Variants in RIC1 observed in about 807,000 individuals in gnomAD.
RIC1 encodes guanine nucleotide exchange factor subunit RIC1.
Under a neutral mutation model 169.0 loss-of-function variants are expected in RIC1, and 88 were observed. The observed-to-expected ratio is 0.52, with a 90% CI of 0.44 to 0.62. The LOEUF is 0.62. Ranked by LOEUF, RIC1 falls within the 20% of genes least tolerant of loss-of-function variation. RIC1 has a pLI of 0.00. For missense variants in RIC1, 1,877 were observed against 1,725.5 expected (o/e 1.09, Z -1.56); for synonymous variants, 790 against 601.5 (o/e 1.31, Z -4.59).
intron 12 of RIC1, among the ~76,000 whole-genome samples, chr9:5,748,100 C>G (rs1259916650): frequency 2.0e-5 from 3 of 152,158 alleles, no homozygotes; most frequent in Non-Finnish European, 4.4e-5. Flanking sequence ...GAAATTAATT[C>G]TCAATTTTGA....
At chr9:5,754,999 A>G in intron 15 of RIC1, 69 bp downstream of exon 15, 1 of 960,074 alleles carries the variant, frequency 1.0e-6, no homozygotes. Context: ...TTAATTTTAT[A>G]TAGAAAATAG....
At chr9:5,655,924 T>C (rs568368882) in intron 1 of RIC1, among the ~76,000 whole-genome samples, 38 of 152,240 alleles carry the variant, frequency 2.5e-4, no homozygotes, top group South Asian at 2.1e-4. Context: ...TGGAGTGCAG[T>C]GTTGTTGTGA....
At position 5,681,551 on chromosome 9, in the gene RIC1, C is replaced by G. The variant is rs549644574; in HGVS notation, c.253-8408C>G. 4.4e-4 allele frequency among the ~76,000 whole-genome samples: 67 copies of G among 152,198 alleles called. 1 individual carries two copies. The highest frequency in any genetic ancestry group is 1.5e-3 in the African/African-American group (62 of 41,522). ...GTTCTTTTACATTTGCTGAGGAGTG[C>G]CTTACTTCAAACTATGTGGTCAATT... On this transcript the variant is annotated intron_variant, in intron 2 of 25. Transcript: ENST00000414202.
At chr9:5,720,547 G>A in intron 5 of RIC1, 67 bp from the exon 6 acceptor site, 1 of 1,450,344 alleles carries the variant, frequency 6.9e-7, no homozygotes, top group Non-Finnish European at 9.3e-7. Flanking sequence ...AGGTTTTTCT[G>A]GCAAAAAGTG....
intron 12 of RIC1, among the ~76,000 whole-genome samples, chr9:5,751,730 A>G (rs1462639812): frequency 3.3e-5 from 5 of 151,766 alleles, no homozygotes; most frequent in Admixed American, 3.3e-4. Context: ...CTTAATAAGT[A>G]TAACAAATAA....
rs141438105 is a variant in RIC1, at chr9:5,689,595, T to G, written c.253-364T>G. On this transcript the variant is annotated intron_variant, in intron 2 of 25. Transcript: ENST00000414202. ...GTGTAATAAAGCCATAAAGTGGCAT[T>G]GTTGCTTTATAAACTTAGAATAATA... Among the ~76,000 whole-genome samples the G allele has an allele frequency of 3.6e-3, 543 of 152,326 alleles. 1 individual carries two copies. Among genetic ancestry groups the G allele is most frequent in the African/African-American group, 0.013 (522 of 41,580 alleles).
chr9:5,768,280 C>A (rs936864817), intron 21 of RIC1, among the ~76,000 whole-genome samples: 1 of 152,176 alleles, frequency 6.6e-6, no homozygotes, highest in African/African-American at 2.4e-5. Flanking sequence ...AATTCCAGCA[C>A]TTTGGGAGGC....
chr9:5,723,939 C>T (rs577504376), intron 6 of RIC1, among the ~76,000 whole-genome samples: 17 of 152,226 alleles, frequency 1.1e-4, no homozygotes, highest in Non-Finnish European at 2.4e-4. Flanking sequence ...GGTACCAGTA[C>T]CATGCTGTTT....
At chr9:5,720,449 G>C in intron 5 of RIC1, 125 bp downstream of exon 5, 2 of 1,156,206 alleles carry the variant, frequency 1.7e-6, no homozygotes, top group Admixed American at 2.3e-5. Context: ...CAGAGTATGA[G>C]AGGCGGGGTG....
intron 1 of RIC1, among the ~76,000 whole-genome samples, chr9:5,631,736 G>A (rs1048962984): frequency 6.6e-6 from 1 of 151,118 alleles, no homozygotes; most frequent in Non-Finnish European, 1.5e-5. Context: ...ATTATAAGGT[G>A]TATGATTACA....
chr9:5,679,163 G>C (rs962219897), intron 2 of RIC1, among the ~76,000 whole-genome samples: 18 of 152,112 alleles, frequency 1.2e-4, no homozygotes, highest in African/African-American at 4.1e-4. Flanking sequence ...GTAGATATGT[G>C]GCATTATTTC....
At chr9:5,739,291 G>A (rs1024985960) in intron 8 of RIC1, among the ~76,000 whole-genome samples, 14 of 152,030 alleles carry the variant, frequency 9.2e-5, no homozygotes, top group Non-Finnish European at 8.8e-5. Context: ...AGCTAACCAC[G>A]CAAATCAACT....
intron 3 of RIC1, among the ~76,000 whole-genome samples, chr9:5,702,769 A>T (rs898177231): frequency 1.3e-5 from 2 of 152,044 alleles, no homozygotes; most frequent in East Asian, 3.9e-4. Flanking sequence ...CTGGTCTCGA[A>T]CTCCTGAGCT....
rs1298518114 is a variant in RIC1, at chr9:5,755,026, C to G, written c.1692+96C>G. On this transcript the variant is annotated intron_variant, in intron 15 of 25. Transcript: ENST00000414202. Reference sequence around the variant, plus strand: ...AGAAAATAGTCGATTGAAAACTGAACAAAACATTTTATTTTTTAATCAAGA... The same window carrying G: ...AGAAAATAGTCGATTGAAAACTGAAGAAAACATTTTATTTTTTAATCAAGA... 1.2e-5 allele frequency: 8 copies of G among 681,082 alleles called. No homozygotes were observed. The East Asian group carries it at 2.6e-4, about 22-fold the overall frequency. 42.2% of individuals were successfully genotyped at this position (681,082 alleles called of 1,614,324 possible).
intron 1 of RIC1, among the ~76,000 whole-genome samples, chr9:5,641,119 T>A (rs1397913288): frequency 1.4e-5 from 2 of 147,970 alleles, no homozygotes; most frequent in African/African-American, 5.0e-5. Flanking sequence ...TTGGACGGGG[T>A]CTTGCTCTGT....
intron 3 of RIC1, among the ~76,000 whole-genome samples, chr9:5,701,115 TA>T (rs1186067186): frequency 6.6e-6 from 1 of 152,220 alleles, no homozygotes; most frequent in East Asian, 1.9e-4. Flanking sequence ...AAGTAAACAA[TA>T]ACTTGTTATC....
intron 2 of RIC1, among the ~76,000 whole-genome samples, chr9:5,673,468 C>G (rs186296476): frequency 1.9e-4 from 29 of 148,776 alleles, no homozygotes; most frequent in Admixed American, 1.2e-3. Context: ...CATACATACA[C>G]TTTGACTTGG....
rs547973818 is a variant in RIC1 at position 5,763,038 on chromosome 9, A to G, written c.2113-102A>G. The G allele has an allele frequency of 5.8e-6, 8 of 1,382,214 alleles. No individual in the cohort carries two copies. The African/African-American group carries it at 5.8e-5, about 10-fold the overall frequency. The allele number at this position is 1,382,214 out of a possible 1,614,324, so 85.6% of individuals were successfully genotyped here. A position where few individuals can be genotyped will look rare whatever the true frequency, so the allele number is the denominator to read the frequency against. ...ATCCCTTTGCTTTTCCCAAAAAAAT[A>G]TTATACTATCATTTGAAAGACTTAG... On this transcript the variant is annotated intron_variant, in intron 18 of 25. Coordinates refer to ENST00000414202, the MANE Select transcript of RIC1 (RefSeq NM_020829.4). This position sits in a 1 kb window ranked among gnomAD's most constrained non-coding sequence, Gnocchi z 5.2.
At chr9:5,760,956 T>A (rs368067134) in intron 17 of RIC1, among the ~76,000 whole-genome samples, 2 of 152,106 alleles carry the variant, frequency 1.3e-5, no homozygotes, top group Admixed American at 1.3e-4. Flanking sequence ...TGAAATTCTT[T>A]CCTTCTGTTT....
Sources: allele counts gnomAD v4.1 joint callset (sites outside exome capture counted in the v4.1 genomes callset), GRCh38; gene constraint gnomAD v4.1.1; non-coding constraint Gnocchi (gnomAD v3.1); transcripts MANE v1.5; gene names NCBI Gene and HGNC (gene_info 2026-07-23, HGNC 2026-07-21).